Variants in EIF4G3 observed in about 807,000 individuals in gnomAD.
The protein encoded by EIF4G3 is eIF-4-gamma 3.
In EIF4G3, 34 loss-of-function variants were observed where a neutral mutation model predicts 186.4. The observed-to-expected ratio is 0.18, with a 90% CI of 0.14 to 0.24. The LOEUF is 0.24. Ranked by LOEUF, EIF4G3 falls within the 10% of genes least tolerant of loss-of-function variation. EIF4G3 has a pLI of 1.00. For missense variants in EIF4G3, 1,536 were observed against 1,948.5 expected (o/e 0.79, Z 3.99); for synonymous variants, 673 against 679.5 (o/e 0.99, Z 0.15).
At chr1:21,036,286 G>T (rs1033014608) in intron 4 of EIF4G3, among the ~76,000 whole-genome samples, 3 of 152,106 alleles carry the variant, frequency 2.0e-5, no homozygotes, top group Non-Finnish European at 4.4e-5. Flanking sequence ...GCCCACTGCA[G>T]GTCTCCTCTG....
intron 4 of EIF4G3, among the ~76,000 whole-genome samples, chr1:21,028,184 A>G (rs2092371015): frequency 6.6e-6 from 1 of 152,228 alleles, no homozygotes; most frequent in African/African-American, 2.4e-5. Context: ...GTTTTACAAG[A>G]TGAAAGAAAA....
chr1:21,078,684 G>C (rs2095664108), intron 3 of EIF4G3, among the ~76,000 whole-genome samples: 1 of 152,150 alleles, frequency 6.6e-6, no homozygotes, highest in South Asian at 2.1e-4. Flanking sequence ...TTACTTGCAT[G>C]CATCAAAATA....
chr1:20,819,262 A>G (rs1571044983), intron 33 of EIF4G3, among the ~76,000 whole-genome samples: 1 of 151,564 alleles, frequency 6.6e-6, no homozygotes, highest in South Asian at 2.1e-4. Context: ...AAACATTTTT[A>G]TATATTCATT....
intron 14 of EIF4G3, among the ~76,000 whole-genome samples, chr1:20,928,489 G>A (rs969225291): frequency 1.3e-5 from 2 of 149,514 alleles, no homozygotes; most frequent in Admixed American, 1.3e-4. Flanking sequence ...TGCAACCTCC[G>A]CCTTCCGAGT....
intron 2 of EIF4G3, among the ~76,000 whole-genome samples, chr1:21,094,332 G>A (rs1323095826): frequency 1.3e-5 from 2 of 151,758 alleles, no homozygotes. Context: ...CGTTTATTGC[G>A]GCACAATTCA....
intron 2 of EIF4G3, among the ~76,000 whole-genome samples, chr1:21,112,907 A>G (rs2096751033): frequency 1.3e-5 from 2 of 152,194 alleles, no homozygotes; most frequent in Non-Finnish European, 2.9e-5. Context: ...TACCAAAAAA[A>G]GTTTTGAAAA....
At chr1:21,063,976 C>G (rs2095092405) in intron 3 of EIF4G3, among the ~76,000 whole-genome samples, 1 of 151,858 alleles carries the variant, frequency 6.6e-6, no homozygotes, top group African/African-American at 2.4e-5. Flanking sequence ...GATTCACCTG[C>G]CTCAGCCTCC....
chr1:20,979,842 C>T (rs2077594454), intron 10 of EIF4G3, among the ~76,000 whole-genome samples: 1 of 151,840 alleles, frequency 6.6e-6, no homozygotes, highest in Admixed American at 6.6e-5. Flanking sequence ...GCTCTGCCTC[C>T]CGGGTTCAAG....
At chr1:21,060,213 G>C (rs559101022) in intron 3 of EIF4G3, among the ~76,000 whole-genome samples, 1 of 152,334 alleles carries the variant, frequency 6.6e-6, no homozygotes, top group South Asian at 2.1e-4. Context: ...GCCCTCCAAA[G>C]TGCTGAAATT....
chr1:20,949,922 C>T, intron 13 of EIF4G3, 81 bp downstream of exon 13: 1 of 1,191,320 alleles, frequency 8.4e-7, no homozygotes, highest in South Asian at 1.3e-5. Context: ...ATGCTGTACT[C>T]TTACTCTTGA....
chr1:20,825,310 G>T, intron 32 of EIF4G3, 112 bp from the exon 33 acceptor site: 1 of 795,916 alleles, frequency 1.3e-6, no homozygotes, highest in Non-Finnish European at 1.9e-6. Flanking sequence ...CCAAAAAGCT[G>T]AAAAATCAAA....
Position 20,829,290 on chromosome 1 carries a change from G to A in EIF4G3, c.4062-18C>T. 6.2e-7 allele frequency: 1 copy of A among 1,606,478 alleles called. No homozygotes were observed. The highest frequency in any genetic ancestry group is 8.5e-7 in the Non-Finnish European group (1 of 1,177,872). On this transcript the variant is annotated intron_variant, in intron 30 of 36. Transcript: ENST00000602326. ...CTGAAAAACTGAAAAGGAACAGGGGGTAAAAATCACATGCAAATGTAATTC... is the reference window on the plus strand; with the variant it reads ...CTGAAAAACTGAAAAGGAACAGGGGATAAAAATCACATGCAAATGTAATTC...
intron 3 of EIF4G3, among the ~76,000 whole-genome samples, chr1:21,079,427 G>C (rs1267878214): frequency 6.6e-6 from 1 of 151,408 alleles, no homozygotes; most frequent in Admixed American, 6.6e-5. Flanking sequence ...CAACACTTTA[G>C]GAGGCTCAAG....
chr1:21,102,861 C>T (rs2096551382), intron 2 of EIF4G3, among the ~76,000 whole-genome samples: 1 of 151,932 alleles, frequency 6.6e-6, no homozygotes. Context: ...TAACAAATGT[C>T]AAGAGAAAAA....
intron 34 of EIF4G3, among the ~76,000 whole-genome samples, chr1:20,814,862 C>T (rs904126733): frequency 3.3e-5 from 4 of 120,904 alleles, no homozygotes; most frequent in Admixed American, 8.6e-5. Flanking sequence ...GCTGCCATCT[C>T]GGCTCACTGC....
chr1:20,997,535 G>T, intron 7 of EIF4G3, 66 bp downstream of exon 7: 1 of 1,437,936 alleles, frequency 7.0e-7, no homozygotes, highest in Non-Finnish European at 9.6e-7. Context: ...CATTCTAAGA[G>T]TCAGCAGCTA....
intron 36 of EIF4G3, 49 bp from the exon 37 acceptor site, chr1:20,807,549 G>T: frequency 7.0e-7 from 1 of 1,421,790 alleles, no homozygotes; most frequent in Non-Finnish European, 9.4e-7. Context: ...CTGTAGTTAT[G>T]AGGAAAAGAA....
chr1:21,010,514 C>T (rs938657695), intron 4 of EIF4G3, among the ~76,000 whole-genome samples: 1 of 151,740 alleles, frequency 6.6e-6, no homozygotes. Flanking sequence ...ACTAAGTATA[C>T]AGTACTGTTA....
chr1:20,814,244 G>A (rs1447274187), intron 34 of EIF4G3, among the ~76,000 whole-genome samples: 1 of 152,088 alleles, frequency 6.6e-6, no homozygotes, highest in Non-Finnish European at 1.5e-5. Flanking sequence ...GGGATTACAG[G>A]CATGAACCAT....
Sources: allele counts gnomAD v4.1 joint callset (sites outside exome capture counted in the v4.1 genomes callset), GRCh38; gene constraint gnomAD v4.1.1; transcripts MANE v1.5; gene names NCBI Gene and HGNC (gene_info 2026-07-23, HGNC 2026-07-21).